Variants in SSH2 observed in about 807,000 individuals in gnomAD.
The protein encoded by SSH2 is slingshot protein phosphatase 2, also known as protein phosphatase Slingshot homolog 2.
In SSH2, 37 loss-of-function variants were observed where a neutral mutation model predicts 135.2. The observed-to-expected ratio is 0.27, with a 90% CI of 0.21 to 0.36. The LOEUF (loss-of-function observed/expected upper bound fraction) is 0.36. Among genes scored for constraint, SSH2 ranks in the 10% least tolerant of loss-of-function variants. The pLI is 1.00. For synonymous variants in SSH2, 628 were observed against 646.2 expected (o/e 0.97, Z 0.43); for missense variants, 1,408 against 1,765.3 (o/e 0.80, Z 3.63).
intron 1 of SSH2, among the ~76,000 whole-genome samples, chr17:29,903,926 T>C (rs537900035): frequency 1.3e-5 from 2 of 152,120 alleles, no homozygotes; most frequent in African/African-American, 4.8e-5. Context: ...TTATCCAACA[T>C]ACACCCTCCT....
intron 1 of SSH2, among the ~76,000 whole-genome samples, chr17:29,918,599 A>G (rs946967675): frequency 2.0e-5 from 3 of 152,196 alleles, no homozygotes; most frequent in Non-Finnish European, 4.4e-5. Flanking sequence ...TTCCCAGCAT[A>G]TATCATGCTA....
At chr17:29,889,853 C>T (rs1013183698) in intron 1 of SSH2, among the ~76,000 whole-genome samples, 3 of 144,344 alleles carry the variant, frequency 2.1e-5, no homozygotes, top group Non-Finnish European at 4.5e-5. Context: ...GATCAGACAC[C>T]AAGACTGGGG....
chr17:29,679,926 C>CT lies in SSH2; in HGVS notation c.480-2186dup, dbSNP rs898643746. 7.2e-5 allele frequency among the ~76,000 whole-genome samples: 11 copies of CT among 152,118 alleles called. 1 individual carries two copies. The South Asian group carries it at 1.9e-3, about 26-fold the overall frequency. ...GGATTGATTTCCTTCAGTATTACAACTTTTTTTTAAACAAATTATTTAACC... is the reference window on the plus strand; with the variant it reads ...GGATTGATTTCCTTCAGTATTACAACTTTTTTTTTAAACAAATTATTTAACC... On this transcript the variant is annotated intron_variant, in intron 6 of 15. Transcript: ENST00000540801.
chr17:29,902,828 T>C (rs1326347295), intron 1 of SSH2, among the ~76,000 whole-genome samples: 2 of 152,104 alleles, frequency 1.3e-5, no homozygotes, highest in African/African-American at 4.8e-5. Flanking sequence ...GTATTAATTT[T>C]CCATGGTGAA....
intron 2 of SSH2, among the ~76,000 whole-genome samples, chr17:29,813,151 G>A (rs1196702596): frequency 6.6e-6 from 1 of 152,096 alleles, no homozygotes; most frequent in Non-Finnish European, 1.5e-5. Context: ...GGGAGGCTGA[G>A]GCGGGTGGAT....
chr17:29,716,365 G>T, intron 3 of SSH2: 1 of 483,076 alleles, frequency 2.1e-6, no homozygotes, highest in Admixed American at 3.1e-5. Flanking sequence ...GGCTCTTAGA[G>T]TGCTTTATGT....
Position 29,636,462 on chromosome 17 carries a change from A to G in SSH2, c.1768T>C (p.Ser590Pro). ...TGGCAATTGTCAAGAGGAAATTTTG[A>G]TTCATTCAGACAACACCCTGATGAG... The part of the protein sequence containing the change: ...GCSSGCCLNE[S>P]KFPLDNCHAS... The change falls in exon 15 of 16, where the codon TCA (serine) becomes CCA (proline). Residue 590 changes from serine to proline, a missense_variant. By Grantham distance (74) the Ser-to-Pro change is moderately conservative. Transcript: ENST00000540801. 1 of 1,614,220 alleles carries G rather than the reference A, an allele frequency of 6.2e-7. No individual in the cohort carries two copies. The highest frequency in any genetic ancestry group is 8.5e-7 in the Non-Finnish European group (1 of 1,180,036).
chr17:29,897,397 CAG>C (rs1350892526), intron 1 of SSH2, among the ~76,000 whole-genome samples: 4 of 152,068 alleles, frequency 2.6e-5, no homozygotes, highest in Non-Finnish European at 5.9e-5. Context: ...AACTCATATG[CAG>C]AGACACACAT....
intron 2 of SSH2, among the ~76,000 whole-genome samples, chr17:29,796,314 T>A (rs902894413): frequency 1.3e-5 from 2 of 152,230 alleles, no homozygotes; most frequent in African/African-American, 4.8e-5. Flanking sequence ...AACTTGTATA[T>A]CTACCATCTA....
intron 6 of SSH2, among the ~76,000 whole-genome samples, chr17:29,680,361 A>G (rs1358211622): frequency 6.6e-6 from 1 of 151,648 alleles, no homozygotes; most frequent in East Asian, 1.9e-4. Flanking sequence ...CCTGGCCAAC[A>G]TGGCGAAACT....
intron 1 of SSH2, among the ~76,000 whole-genome samples, chr17:29,873,915 T>C (rs1208302411): frequency 6.6e-6 from 1 of 152,192 alleles, no homozygotes; most frequent in East Asian, 1.9e-4. Flanking sequence ...TCTACATTTA[T>C]TTTCCCTTGA....
At chr17:29,912,806 TAA>T (rs2066789462) in intron 1 of SSH2, among the ~76,000 whole-genome samples, 2 of 152,050 alleles carry the variant, frequency 1.3e-5, no homozygotes, top group Non-Finnish European at 1.5e-5. Context: ...TCTCGAGATA[TAA>T]GACTTTTCTG....
At chr17:29,638,295 C>G (rs946123928) in intron 14 of SSH2, among the ~76,000 whole-genome samples, 2 of 138,352 alleles carry the variant, frequency 1.4e-5, no homozygotes, top group Non-Finnish European at 3.1e-5. Context: ...AAAAAAAAAA[C>G]TAAAAGGAAA....
Position 29,658,462 on chromosome 17 carries a change from T to C in SSH2, c.1033-2855A>G, listed in dbSNP as rs372588502. On this transcript the variant is annotated intron_variant, in intron 11 of 15. Transcript: ENST00000540801. ...CTGAGTACCTGGGACTACAAGTGCA[T>C]GCCACCATACCTGGCTTGTATTCAA... Among the ~76,000 whole-genome samples, 4 of 152,314 alleles carry C rather than the reference T, an allele frequency of 2.6e-5. No individual in the cohort carries two copies. The South Asian group carries it at 6.2e-4, about 24-fold the overall frequency.
At chr17:29,771,394 C>A (rs1221238593) in intron 3 of SSH2, among the ~76,000 whole-genome samples, 4 of 152,194 alleles carry the variant, frequency 2.6e-5, no homozygotes, top group Non-Finnish European at 4.4e-5. Flanking sequence ...TGATCCTTTG[C>A]ACTACATCAC....
At chr17:29,912,917 G>T (rs1310367071) in intron 1 of SSH2, among the ~76,000 whole-genome samples, 3 of 151,974 alleles carry the variant, frequency 2.0e-5, no homozygotes, top group Admixed American at 6.6e-5. Flanking sequence ...CTTCACTAAT[G>T]TATGTCATCT....
intron 11 of SSH2, 60 bp downstream of exon 11, chr17:29,666,806 CT>C: frequency 6.8e-7 from 1 of 1,481,332 alleles, no homozygotes; most frequent in Non-Finnish European, 9.2e-7. Context: ...ATAATTACCC[CT>C]GCCCATGAGT....
chr17:29,636,454 A>G lies in SSH2; in HGVS notation c.1776T>C (p.Phe592=), dbSNP rs2035918961. Residue 592 remains phenylalanine, a synonymous_variant, in exon 15 of 16, where the codon TTT becomes TTC. Transcript: ENST00000540801. The stretch of plus-strand genomic sequence containing the variant: ...TGGATGCATGGCAATTGTCAAGAGG[A>G]AATTTTGATTCATTCAGACAACACC... ...SSGCCLNESK[F]PLDNCHASKA... 6.2e-7 allele frequency: 1 copy of G among 1,614,098 alleles called. No individual in the cohort carries two copies. Among genetic ancestry groups the G allele is most frequent in the Non-Finnish European group, 8.5e-7 (1 of 1,180,042 alleles).
chr17:29,831,430 A>C (rs994167859), intron 2 of SSH2, among the ~76,000 whole-genome samples: 2 of 152,218 alleles, frequency 1.3e-5, no homozygotes, highest in Non-Finnish European at 2.9e-5. Flanking sequence ...ATTACAAATA[A>C]GAGACGCTAA....
Sources: allele counts gnomAD v4.1 joint callset (sites outside exome capture counted in the v4.1 genomes callset), GRCh38; gene constraint gnomAD v4.1.1; transcripts MANE v1.5; gene names NCBI Gene and HGNC (gene_info 2026-07-23, HGNC 2026-07-21).